The following CHD7 variants were observed in gnomAD, a reference collection of about 807,000 sequenced individuals.
CHD7 encodes ATP-dependent chromatin remodeler CHD7.
CHD7 carries 24 observed loss-of-function variants against 307.3 expected under a neutral mutation model. The ratio of observed to expected loss-of-function variants is 0.08; its 90% CI spans 0.06 to 0.11. CHD7 has a LOEUF of 0.11. CHD7 is among the 10% of genes least tolerant of loss of function. The pLI, the probability that CHD7 is intolerant of heterozygous loss-of-function variation, is 1.00. For synonymous variants in CHD7, 1,363 were observed against 1,349.9 expected (o/e 1.01, Z -0.21); for missense variants, 3,106 against 3,727.1 (o/e 0.83, Z 4.34).
Position 60,801,518 on chromosome 8 carries a change from T to G in CHD7, c.2377-10T>G, listed in dbSNP as rs769404081. On this transcript the variant is annotated splice_polypyrimidine_tract_variant and intron_variant, in intron 5 of 37. Transcript: ENST00000423902. ...TCTATTTGGATTGATGCACATGCCTTTTTTTTTAGGAATCTGTTGATGCAG... is the reference window on the plus strand; with the variant it reads ...TCTATTTGGATTGATGCACATGCCTGTTTTTTTAGGAATCTGTTGATGCAG... The G allele has an allele frequency of 1.3e-6, 2 of 1,561,244 alleles. No individual in the cohort carries two copies. Among genetic ancestry groups the G allele is most frequent in the Non-Finnish European group, 1.7e-6 (2 of 1,150,636 alleles).
intron 1 of CHD7, among the ~76,000 whole-genome samples, chr8:60,693,167 A>G (rs1376788888): frequency 6.6e-6 from 1 of 151,864 alleles, no homozygotes; most frequent in African/African-American, 2.4e-5. Flanking sequence ...TGTTCCCTCC[A>G]CTATGTTGTG....
intron 15 of CHD7, among the ~76,000 whole-genome samples, chr8:60,834,251 C>T (rs997195202): frequency 2.0e-5 from 3 of 152,034 alleles, no homozygotes; most frequent in African/African-American, 4.8e-5. Context: ...GAAAAATATT[C>T]GTTGGCCATT....
intron 1 of CHD7, among the ~76,000 whole-genome samples, chr8:60,695,100 G>A (rs925729453): frequency 6.6e-6 from 1 of 152,124 alleles, no homozygotes; most frequent in African/African-American, 2.4e-5. Context: ...CTGGCATGGA[G>A]CGGAGAATAG....
chr8:60,843,981 G>A (rs1805084148), intron 21 of CHD7, among the ~76,000 whole-genome samples: 1 of 152,198 alleles, frequency 6.6e-6, no homozygotes, highest in Admixed American at 6.5e-5. Context: ...GATGTGCGCT[G>A]CTCTCTGCTC....
intron 6 of CHD7, among the ~76,000 whole-genome samples, chr8:60,803,821 A>T (rs551833565): frequency 6.6e-6 from 1 of 152,242 alleles, no homozygotes; most frequent in Non-Finnish European, 1.5e-5. Context: ...TAGAAACAAA[A>T]GGAAATTTGA....
intron 2 of CHD7, among the ~76,000 whole-genome samples, chr8:60,776,003 GCCT>G (rs1251541714): frequency 6.6e-6 from 1 of 152,116 alleles, no homozygotes; most frequent in Non-Finnish European, 1.5e-5. Context: ...CAGGTGATCT[GCCT>G]GCCTTGGCCT....
chr8:60,846,613 CA>C (rs1160279511), intron 23 of CHD7, among the ~76,000 whole-genome samples: 1 of 152,216 alleles, frequency 6.6e-6, no homozygotes, highest in Non-Finnish European at 1.5e-5. Context: ...ACCTCGGCAG[CA>C]AGATCTCAAC....
At position 60,822,082 on chromosome 8, in the gene CHD7, A is replaced by G; in HGVS notation, c.2894A>G (p.Asn965Ser). The G allele has an allele frequency of 3.1e-6, 5 of 1,613,920 alleles. No homozygotes were observed. The highest frequency in any genetic ancestry group is 2.2e-5 in the South Asian group (2 of 91,088). Residue 965 changes from asparagine (N) to serine (S), a missense_variant, in exon 11 of 38, where the codon AAT (asparagine) becomes AGT (serine). Transcript: ENST00000423902. ...KSESSREYKN[N>S]NKLREYQLEG... The stretch of plus-strand genomic sequence containing the variant: ...GAGAGTTCCAGGGAGTATAAAAACA[A>G]TAACAAACTCAGGGAATACCAGTTG...
chr8:60,782,454 T>G (rs1000161343), intron 3 of CHD7, among the ~76,000 whole-genome samples: 5 of 152,244 alleles, frequency 3.3e-5, no homozygotes, highest in African/African-American at 9.6e-5. Flanking sequence ...AAACTTGGAC[T>G]TGCAACTTCC....
intron 21 of CHD7, 78 bp from the exon 22 acceptor site, chr8:60,844,786 A>T (rs561810951): frequency 2.4e-6 from 3 of 1,264,316 alleles, no homozygotes; most frequent in African/African-American, 1.5e-5. Flanking sequence ...GGATTTCCCA[A>T]CGCTGGTACC....
chr8:60,848,031 T>C (rs1238192639), intron 23 of CHD7, among the ~76,000 whole-genome samples: 1 of 152,212 alleles, frequency 6.6e-6, no homozygotes. Context: ...GAGGGTTTAT[T>C]GTAAGGTAGT....
At chr8:60,835,254 A>G (rs1026037453) in intron 15 of CHD7, among the ~76,000 whole-genome samples, 1 of 152,220 alleles carries the variant, frequency 6.6e-6, no homozygotes, top group Non-Finnish European at 1.5e-5. Context: ...GTCATGGGCC[A>G]TCTTTCCTTA....
chr8:60,828,635 GT>G, intron 13 of CHD7, 27 bp from the exon 14 acceptor site: 1 of 1,582,812 alleles, frequency 6.3e-7, no homozygotes, highest in South Asian at 1.2e-5. Context: ...TTACAATTTG[GT>G]TAGTGGCTTT....
At chr8:60,748,985 TTTAA>T (rs1809479071) in intron 2 of CHD7, among the ~76,000 whole-genome samples, 1 of 140,608 alleles carries the variant, frequency 7.1e-6, no homozygotes, top group Non-Finnish European at 1.5e-5. Context: ...TTTTTTTTTT[TTTAA>T]AAAAATAGCC....
intron 2 of CHD7, among the ~76,000 whole-genome samples, chr8:60,768,885 G>A (rs1810588705): frequency 6.6e-6 from 1 of 151,926 alleles, no homozygotes; most frequent in South Asian, 2.1e-4. Context: ...CATAAATACT[G>A]CTAAAACACC....
At position 60,742,317 on chromosome 8, in the gene CHD7, G is replaced by C. The variant is rs766853484; in HGVS notation, c.885G>C (p.Arg295=). The part of the protein sequence containing the change: ...VRPQTLNFSS[R]SQTVPSPTIN... ...CGCAAACCCTTAACTTTAGTTCTCG[G>C]AGCCAGACAGTCCCCTCTCCTACTA... The change falls in exon 2 of 38, where the codon CGG becomes CGC. Residue 295 remains arginine, a synonymous_variant. Transcript: ENST00000423902. 6.2e-7 allele frequency: 1 copy of C among 1,613,902 alleles called. No homozygotes were observed. Among genetic ancestry groups the C allele is most frequent in the Non-Finnish European group, 8.5e-7 (1 of 1,179,890 alleles).
At chr8:60,732,396 C>T (rs766075224) in intron 1 of CHD7, among the ~76,000 whole-genome samples, 12 of 152,196 alleles carry the variant, frequency 7.9e-5, no homozygotes, top group Non-Finnish European at 1.3e-4. Context: ...CATGCTTGCC[C>T]TTGCCTCACC....
chr8:60,845,277 G>A lies in CHD7; in HGVS notation c.5078G>A (p.Arg1693Lys). The A allele has an allele frequency of 6.2e-7, 1 of 1,613,170 alleles. No individual in the cohort carries two copies. The highest frequency in any genetic ancestry group is 8.5e-7 in the Non-Finnish European group (1 of 1,179,232). ...SGLSAPVPRG[R>K]KGKKVKAQST... ...TTGTCAGCTCCTGTGCCAAGGGGAA[G>A]GAAGGGAAAGAAGGTGAAAGCCCAG... The change falls in exon 23 of 38, where the codon AGG becomes AAG. Residue 1693 changes from arginine to lysine, a missense_variant. Arg to Lys is a conservative substitution (Grantham distance 26). Coordinates refer to ENST00000423902, the MANE Select transcript of CHD7 (RefSeq NM_017780.4).
At chr8:60,719,573 T>C (rs1441966533) in intron 1 of CHD7, among the ~76,000 whole-genome samples, 1 of 152,194 alleles carries the variant, frequency 6.6e-6, no homozygotes, top group Non-Finnish European at 1.5e-5. Flanking sequence ...CAAACCTTTG[T>C]ACTGGGCACT....
Sources: allele counts gnomAD v4.1 joint callset (sites outside exome capture counted in the v4.1 genomes callset), GRCh38; gene constraint gnomAD v4.1.1; transcripts MANE v1.5; gene names NCBI Gene and HGNC (gene_info 2026-07-23, HGNC 2026-07-21).